Variants in APLP2 observed in about 807,000 individuals in gnomAD.
APLP2 encodes the protein CDEI box-binding protein.
APLP2 carries 53 observed loss-of-function variants against 89.9 expected under a neutral mutation model. That is an observed-to-expected ratio of 0.59 (90% CI 0.47 to 0.74). APLP2 has a LOEUF of 0.74. Among genes scored for constraint, APLP2 ranks in the 30% least tolerant of loss-of-function variants. The pLI is 0.00. For missense variants in APLP2, 973 were observed against 975.9 expected (o/e 1.00, Z 0.04); for synonymous variants, 372 against 348.6 (o/e 1.07, Z -0.75).
At chr11:130,070,610 G>A in intron 1 of APLP2, 1 of 1,415,590 alleles carries the variant, frequency 7.1e-7, no homozygotes, top group Non-Finnish European at 9.2e-7. Flanking sequence ...GCGCGCGGCA[G>A]GGATGCTGCG....
At position 130,138,179 on chromosome 11, in the gene APLP2, G is replaced by A. The variant is rs540335931; in HGVS notation, c.1838-2219G>A. On this transcript the variant is annotated intron_variant, in intron 13 of 16. Coordinates refer to ENST00000338167, the MANE Select transcript of APLP2 (RefSeq NM_001142276.2). Reference sequence around the variant, plus strand: ...TTCTTGTTCATAATGTGTTGTATGAGCCCACCCTTGGCTTTGGCAGACTTC... The same window carrying A: ...TTCTTGTTCATAATGTGTTGTATGAACCCACCCTTGGCTTTGGCAGACTTC... Among the ~76,000 whole-genome samples the A allele has an allele frequency of 3.9e-5, 6 of 152,328 alleles. No homozygotes were observed. The East Asian group carries it at 1.2e-3, about 29-fold the overall frequency.
At chr11:130,136,335 G>A (rs533335098) in intron 13 of APLP2, among the ~76,000 whole-genome samples, 1 of 152,260 alleles carries the variant, frequency 6.6e-6, no homozygotes, top group South Asian at 2.1e-4. Flanking sequence ...GATAAGAATG[G>A]CCCACAGCTA....
intron 10 of APLP2, among the ~76,000 whole-genome samples, chr11:130,129,632 T>A (rs74795599): frequency 7.2e-5 from 11 of 152,194 alleles, no homozygotes; most frequent in Non-Finnish European, 1.5e-4. Context: ...CCCTTAACAC[T>A]AACCTGCCTT....
chr11:130,099,684 C>A (rs1363204564), intron 1 of APLP2, among the ~76,000 whole-genome samples: 1 of 152,218 alleles, frequency 6.6e-6, no homozygotes, highest in Non-Finnish European at 1.5e-5. Context: ...TTCCTCATGT[C>A]CATAGTTAAT....
chr11:130,086,517 T>C (rs1427310801), intron 1 of APLP2, among the ~76,000 whole-genome samples: 1 of 151,660 alleles, frequency 6.6e-6, no homozygotes, highest in Non-Finnish European at 1.5e-5. Flanking sequence ...AGTTTAACTT[T>C]GATGAATTCC....
chr11:130,094,727 A>G (rs918842311), intron 1 of APLP2, among the ~76,000 whole-genome samples: 1 of 152,222 alleles, frequency 6.6e-6, no homozygotes, highest in Admixed American at 6.5e-5. Flanking sequence ...TTAGGAAGCT[A>G]TGGAGCACTG....
rs55794745 is a variant in APLP2 at position 130,096,366 on chromosome 11, T to G, written c.106-13063T>G. On this transcript the variant is annotated intron_variant, in intron 1 of 16. Coordinates refer to ENST00000338167, the MANE Select transcript of APLP2 (RefSeq NM_001142276.2). ...TGTTCTGCCTTGAGGTGATTCAGAG[T>G]GCTGGGTAGAGACTGGATCCTGGAG... is the stretch of plus-strand genomic sequence containing the variant. Among the ~76,000 whole-genome samples, 473 of 152,174 alleles carry G rather than the reference T, an allele frequency of 3.1e-3. 2 individuals are homozygous for G. Among genetic ancestry groups the G allele is most frequent in the Admixed American group, 6.7e-3 (102 of 15,274 alleles).
At chr11:130,130,220 A>G (rs1194712427) in intron 11 of APLP2, 54 bp downstream of exon 11, 1 of 1,611,592 alleles carries the variant, frequency 6.2e-7, no homozygotes, top group East Asian at 2.2e-5. Flanking sequence ...AGTGGGGAAC[A>G]TAATGCCTTG....
intron 4 of APLP2, 133 bp from the exon 5 acceptor site, chr11:130,121,481 A>G: frequency 8.6e-7 from 1 of 1,164,704 alleles, no homozygotes; most frequent in Non-Finnish European, 1.1e-6. Context: ...TTTGACAGAA[A>G]ATGTATGTGT....
chr11:130,089,107 C>T (rs1476872028), intron 1 of APLP2, among the ~76,000 whole-genome samples: 1 of 152,290 alleles, frequency 6.6e-6, no homozygotes, highest in East Asian at 1.9e-4. Flanking sequence ...GCCATTCTCC[C>T]AGTTGTCAGA....
Position 130,110,192 on chromosome 11 carries a change from A to G in APLP2, c.280-346A>G, listed in dbSNP as rs1948373744. On this transcript the variant is annotated intron_variant, in intron 2 of 16. Transcript: ENST00000338167. ...TGTAATTTCATTGACAGATGTTTCC[A>G]TAGACTTGCCTCACGGAGCCATCAG... is the stretch of plus-strand genomic sequence containing the variant. Among the ~76,000 whole-genome samples the G allele has an allele frequency of 2.0e-5, 3 of 152,338 alleles. No homozygotes were observed. In the South Asian group the frequency reaches 6.2e-4, roughly 32 times the overall value.
chr11:130,086,578 AGAAATCGTTGT>A (rs972113370), intron 1 of APLP2, among the ~76,000 whole-genome samples: 14 of 152,156 alleles, frequency 9.2e-5, no homozygotes, highest in Non-Finnish European at 1.5e-4. Context: ...GTCATTTTTA[AGAAATCGTTGT>A]GAAATATAAT....
chr11:130,136,865 G>C (rs1050571927), intron 13 of APLP2, among the ~76,000 whole-genome samples: 3 of 152,136 alleles, frequency 2.0e-5, no homozygotes, highest in African/African-American at 7.2e-5. Context: ...TGCTTGTTGG[G>C]GGTCGGGGCA....
Position 130,143,911 on chromosome 11 carries a change from T to C in APLP2, c.*463T>C, listed in dbSNP as rs1485376856. ...AGAAAAAAAAGGCAGTATTCCCTTT[T>C]TAAATGAGCTTTCAGGAAGTTGCTG... is the stretch of plus-strand genomic sequence containing the variant. On this transcript the variant is annotated 3_prime_UTR_variant, in exon 17 of 17. Transcript: ENST00000338167. 1 of 156,010 alleles carries C rather than the reference T, an allele frequency of 6.4e-6. No individual in the cohort carries two copies. Among genetic ancestry groups the C allele is most frequent in the Middle Eastern group, 3.3e-3 (1 of 302 alleles). The allele number at this position is 156,010 out of a possible 1,614,324, so 9.7% of individuals were successfully genotyped here. A position where few individuals can be genotyped will look rare whatever the true frequency, so the allele number is the denominator to read the frequency against.
intron 1 of APLP2, among the ~76,000 whole-genome samples, chr11:130,092,802 CAGGA>C (rs1295088253): frequency 6.6e-6 from 1 of 151,954 alleles, no homozygotes; most frequent in Non-Finnish European, 1.5e-5. Flanking sequence ...TAACAAAGAA[CAGGA>C]AGGGAGAGAT....
chr11:130,123,660 C>T lies in APLP2; in HGVS notation c.971C>T (p.Pro324Leu). The T allele has an allele frequency of 1.2e-6, 2 of 1,614,270 alleles. No individual in the cohort carries two copies. ...AMTGPCRAVM[P>L]RWYFDLSKGK... ...ACGGGGCCCTGCCGGGCCGTGATGC[C>T]TCGTTGGTACTTCGACCTCTCCAAG... The change falls in exon 7 of 17, where the codon CCT (proline) becomes CTT (leucine). Residue 324 changes from proline (P) to leucine (L), a missense_variant. By Grantham distance (98) the Pro-to-Leu change is moderately conservative. Coordinates refer to ENST00000338167, the MANE Select transcript of APLP2 (RefSeq NM_001142276.2). The surrounding 1 kb of genome is among the most constrained non-coding windows in gnomAD (Gnocchi z 4.0).
intron 1 of APLP2, among the ~76,000 whole-genome samples, chr11:130,075,305 C>T (rs1246695622): frequency 6.6e-6 from 1 of 152,192 alleles, no homozygotes; most frequent in East Asian, 1.9e-4. Flanking sequence ...CATACCACCA[C>T]ATTCGGCCAA....
intron 11 of APLP2, among the ~76,000 whole-genome samples, chr11:130,133,022 T>C (rs536308662): frequency 6.6e-6 from 1 of 152,126 alleles, no homozygotes; most frequent in South Asian, 2.1e-4. Context: ...GTAAGTGCCT[T>C]GTATGAAAAT....
At chr11:130,100,143 G>A (rs970029967) in intron 1 of APLP2, 6 of 152,228 alleles carry the variant, frequency 3.9e-5, no homozygotes, top group African/African-American at 1.2e-4. Context: ...TATAGATGAC[G>A]AAAGTGAAGC....
Sources: gnomAD v4.1 joint callset for allele counts (sites outside exome capture counted in the v4.1 genomes callset) on GRCh38, gnomAD v4.1.1 for gene constraint, Gnocchi (gnomAD v3.1) non-coding constraint, MANE v1.5 for transcripts, NCBI Gene and HGNC (gene_info 2026-07-23, HGNC 2026-07-21) for gene names.